The following AGMO variants were observed in gnomAD, a reference collection of about 807,000 sequenced individuals.
AGMO encodes glyceryl-ether monooxygenase.
In AGMO, 75 loss-of-function variants were observed where a neutral mutation model predicts 60.2. The observed-to-expected ratio is 1.25, with a 90% CI of 1.03 to 1.51. AGMO has a LOEUF of 1.51. Ranked by LOEUF, AGMO falls within the 40% of genes most tolerant of loss-of-function variation. AGMO has a pLI of 0.00. For synonymous variants in AGMO, 261 were observed against 177.1 expected (o/e 1.47, Z -3.76); for missense variants, 763 against 525.5 (o/e 1.45, Z -4.42).
chr7:15,475,049 C>T (rs1315577576), intron 3 of AGMO, among the ~76,000 whole-genome samples: 1 of 152,064 alleles, frequency 6.6e-6, no homozygotes, highest in Non-Finnish European at 1.5e-5. Flanking sequence ...ACAACAGATG[C>T]TGGAGAGGAT....
At chr7:15,477,579 C>T (rs545551773) in intron 3 of AGMO, among the ~76,000 whole-genome samples, 1 of 152,060 alleles carries the variant, frequency 6.6e-6, no homozygotes, top group Admixed American at 6.6e-5. Flanking sequence ...TTGTGGGCTA[C>T]CAAATATTTC....
chr7:15,559,717 G>A (rs1785248503), intron 2 of AGMO, among the ~76,000 whole-genome samples: 1 of 151,998 alleles, frequency 6.6e-6, no homozygotes, highest in African/African-American at 2.4e-5. Flanking sequence ...GCTGCAAACG[G>A]GGTTGTACTA....
chr7:15,169,192 C>T, the AGMO span, among the ~76,000 whole-genome samples: 2 of 152,120 alleles, frequency 1.3e-5, no homozygotes, highest in Non-Finnish European at 1.5e-5. Flanking sequence ...GCAAACTGTT[C>T]CTATAAAGGG....
chr7:15,225,187 A>G (rs1301116890), intron 12 of AGMO, among the ~76,000 whole-genome samples: 3 of 151,890 alleles, frequency 2.0e-5, no homozygotes, highest in African/African-American at 7.2e-5. Flanking sequence ...TGATTGCATA[A>G]TCTTCAAAAA....
At position 15,249,667 on chromosome 7, in the gene AGMO, G is replaced by C. The variant is rs114170824; in HGVS notation, c.1264-48308C>G. 9.2e-3 allele frequency among the ~76,000 whole-genome samples: 1,399 copies of C among 152,106 alleles called. 16 individuals carry two copies. Among genetic ancestry groups the C allele is most frequent in the African/African-American group, 0.032 (1,335 of 41,508 alleles). On this transcript the variant is annotated intron_variant, in intron 12 of 12. Transcript: ENST00000342526. ...TTAATATGAAGGCTGTGGATAATCA[G>C]AAACAGAGTTACAAGGATGTGATGG...
intron 12 of AGMO, among the ~76,000 whole-genome samples, chr7:15,239,569 A>G (rs1782528924): frequency 6.6e-6 from 1 of 152,132 alleles, no homozygotes; most frequent in South Asian, 2.1e-4. Context: ...AAAGAACCCT[A>G]TAGCAATTCG....
At chr7:15,296,943 A>T (rs1226191532) in intron 12 of AGMO, among the ~76,000 whole-genome samples, 1 of 151,998 alleles carries the variant, frequency 6.6e-6, no homozygotes, top group Non-Finnish European at 1.5e-5. Flanking sequence ...GCTAGAACAA[A>T]TCTCTTTTCC....
intron 3 of AGMO, among the ~76,000 whole-genome samples, chr7:15,498,883 T>A (rs542084050): frequency 7.1e-4 from 108 of 152,066 alleles, no homozygotes; most frequent in African/African-American, 2.5e-3. Context: ...TTCAGAAGCA[T>A]CTAAAATGTA....
intron 12 of AGMO, among the ~76,000 whole-genome samples, chr7:15,341,426 A>T (rs1781842924): frequency 6.6e-6 from 1 of 152,150 alleles, no homozygotes; most frequent in Non-Finnish European, 1.5e-5. Context: ...AGTTCCCAAG[A>T]AGTTCCTCAT....
chr7:15,531,338 ATATATATTC>A lies in AGMO; in HGVS notation c.409+13425_409+13433del, dbSNP rs1562557023. On this transcript the variant is annotated intron_variant, in intron 3 of 12. Coordinates refer to ENST00000342526, the MANE Select transcript of AGMO (RefSeq NM_001004320.2). ...TATACATATATTCTATATATATTCTATATATATTCTATATATATTCTATATATATATTCT... is the reference window on the plus strand; with the variant it reads ...TATACATATATTCTATATATATTCTATATATATATTCTATATATATATTCT... Among the ~76,000 whole-genome samples, 20 of 92,584 alleles carry A rather than the reference ATATATATTC, an allele frequency of 2.2e-4. 1 individual carries two copies. Among genetic ancestry groups the A allele is most frequent in the African/African-American group, 9.0e-4 (18 of 19,924 alleles). The allele number at this position is 92,584 out of a possible 152,430, so 60.7% of individuals were successfully genotyped here.
chr7:15,305,861 G>T (rs1780599290), intron 12 of AGMO, among the ~76,000 whole-genome samples: 1 of 151,860 alleles, frequency 6.6e-6, no homozygotes, highest in Non-Finnish European at 1.5e-5. Flanking sequence ...TTAGTAAAAT[G>T]GCACTATGGG....
At chr7:15,410,469 AAAGT>A (rs1784808977) in intron 5 of AGMO, among the ~76,000 whole-genome samples, 1 of 151,802 alleles carries the variant, frequency 6.6e-6, no homozygotes, top group African/African-American at 2.4e-5. Flanking sequence ...TTTTTTCCCT[AAAGT>A]AAGTTGGGGA....
intron 12 of AGMO, among the ~76,000 whole-genome samples, chr7:15,341,836 G>T (rs1376672788): frequency 6.6e-6 from 1 of 152,052 alleles, no homozygotes; most frequent in Non-Finnish European, 1.5e-5. Flanking sequence ...CTAGCAAGAG[G>T]GTGTGTGCAG....
At chr7:15,235,665 A>G (rs887324438) in intron 12 of AGMO, among the ~76,000 whole-genome samples, 4 of 152,178 alleles carry the variant, frequency 2.6e-5, no homozygotes, top group Non-Finnish European at 5.9e-5. Flanking sequence ...GAAAGAAAAT[A>G]GAGATAGGGA....
At chr7:15,439,222 C>G (rs1781485150) in intron 3 of AGMO, among the ~76,000 whole-genome samples, 1 of 152,088 alleles carries the variant, frequency 6.6e-6, no homozygotes, top group African/African-American at 2.4e-5. Context: ...CATGGTGAAA[C>G]CCCATCTCTA....
chr7:15,384,429 G>A (rs1783829064), intron 10 of AGMO, among the ~76,000 whole-genome samples: 1 of 151,982 alleles, frequency 6.6e-6, no homozygotes, highest in African/African-American at 2.4e-5. Flanking sequence ...AACTCCTTAG[G>A]TGTCTTTCAA....
At chr7:15,147,055 C>G in the AGMO span, among the ~76,000 whole-genome samples, 1 of 152,044 alleles carries the variant, frequency 6.6e-6, no homozygotes, top group Non-Finnish European at 1.5e-5. Context: ...TAGTAAAGTG[C>G]TCTGCCATGT....
chr7:15,212,288 A>ACACAC (rs1563037307), intron 12 of AGMO, among the ~76,000 whole-genome samples: 3 of 148,706 alleles, frequency 2.0e-5, no homozygotes, highest in South Asian at 2.1e-4. Flanking sequence ...ACACACACAC[A>ACACAC]AATAGCATGG....
intron 12 of AGMO, among the ~76,000 whole-genome samples, chr7:15,216,850 G>GTGTGTGTC (rs574926327): frequency 1.8e-3 from 267 of 151,924 alleles, no homozygotes; most frequent in African/African-American, 6.0e-3. Flanking sequence ...GTGTGTGTGT[G>GTGTGTGTC]TGTGTGTGTG....
Sources: allele counts gnomAD v4.1 joint callset (sites outside exome capture counted in the v4.1 genomes callset), GRCh38; gene constraint gnomAD v4.1.1; transcripts MANE v1.5; gene names NCBI Gene and HGNC (gene_info 2026-07-23, HGNC 2026-07-21).